The following CNTNAP5 variants were observed in gnomAD, a reference collection of about 807,000 sequenced individuals.
The protein encoded by CNTNAP5 is contactin associated protein family member 5, also known as contactin-associated protein-like 5.
Under a neutral mutation model 150.2 loss-of-function variants are expected in CNTNAP5, and 72 were observed. The ratio of observed to expected loss-of-function variants is 0.48; its 90% CI spans 0.40 to 0.58. The LOEUF is 0.58. Ranked by LOEUF, CNTNAP5 falls within the 20% of genes least tolerant of loss-of-function variation. The pLI, the probability that CNTNAP5 is intolerant of heterozygous loss-of-function variation, is 0.00. For synonymous variants in CNTNAP5, 672 were observed against 619.8 expected (o/e 1.08, Z -1.25); for missense variants, 1,636 against 1,626.2 (o/e 1.01, Z -0.10).
chr2:124,403,001 A>G (rs1691469302), intron 3 of CNTNAP5, among the ~76,000 whole-genome samples: 1 of 152,170 alleles, frequency 6.6e-6, no homozygotes, highest in African/African-American at 2.4e-5. Flanking sequence ...TTTTAGCTTT[A>G]AGTCTGTGGT....
chr2:124,656,866 A>G (rs1374785002), intron 13 of CNTNAP5, among the ~76,000 whole-genome samples: 2 of 152,248 alleles, frequency 1.3e-5, no homozygotes, highest in African/African-American at 2.4e-5. Context: ...GATACGGTAC[A>G]GTGGCAGCAC....
chr2:124,713,283 T>TCTTTC (rs1679859046), intron 13 of CNTNAP5, among the ~76,000 whole-genome samples: 2 of 128,950 alleles, frequency 1.6e-5, no homozygotes, highest in Non-Finnish European at 3.4e-5. Context: ...CTTTCTTTCT[T>TCTTTC]TCTTTCTTTC....
At chr2:124,455,837 A>G (rs985203054) in intron 6 of CNTNAP5, among the ~76,000 whole-genome samples, 3 of 152,198 alleles carry the variant, frequency 2.0e-5, no homozygotes, top group Non-Finnish European at 4.4e-5. Flanking sequence ...CAAAAGATGC[A>G]GAAAAGGCAT....
chr2:124,518,236 T>A (rs1694775117), intron 8 of CNTNAP5, among the ~76,000 whole-genome samples: 1 of 152,136 alleles, frequency 6.6e-6, no homozygotes, highest in Admixed American at 6.5e-5. Context: ...GCTGTGGAGA[T>A]CTCATTATCA....
chr2:124,042,783 C>CATCTATCTATTT (rs1553431955), intron 1 of CNTNAP5, among the ~76,000 whole-genome samples: 1 of 148,112 alleles, frequency 6.8e-6, no homozygotes, highest in Non-Finnish European at 1.5e-5. Flanking sequence ...AACTCTCTAT[C>CATCTATCTATTT]ATCTATCTAT....
chr2:124,042,333 C>T (rs1329884365), intron 1 of CNTNAP5, among the ~76,000 whole-genome samples: 2 of 152,138 alleles, frequency 1.3e-5, no homozygotes, highest in African/African-American at 4.8e-5. Flanking sequence ...GATACCCTCC[C>T]CAACTATTTT....
intron 11 of CNTNAP5, among the ~76,000 whole-genome samples, chr2:124,593,899 T>A (rs1696760792): frequency 1.3e-5 from 1 of 79,766 alleles, no homozygotes; most frequent in African/African-American, 4.5e-5. Flanking sequence ...ATGATGAGCA[T>A]TTTTTCATGT....
intron 1 of CNTNAP5, among the ~76,000 whole-genome samples, chr2:124,106,007 A>G (rs1202964053): frequency 6.6e-6 from 1 of 152,106 alleles, no homozygotes; most frequent in African/African-American, 2.4e-5. Context: ...TATTCATTTA[A>G]TCTTTCATGA....
At chr2:124,702,524 G>A (rs767860852) in intron 13 of CNTNAP5, among the ~76,000 whole-genome samples, 2 of 151,356 alleles carry the variant, frequency 1.3e-5, no homozygotes, top group Non-Finnish European at 2.9e-5. Context: ...GTGAGTGAGA[G>A]GTTATCTTCT....
intron 3 of CNTNAP5, among the ~76,000 whole-genome samples, chr2:124,267,512 A>G (rs539914070): frequency 6.6e-6 from 1 of 152,218 alleles, no homozygotes; most frequent in African/African-American, 2.4e-5. Context: ...TTAATTGTGA[A>G]GTGTAAATAT....
At chr2:124,217,178 G>A (rs2104734123) in intron 1 of CNTNAP5, among the ~76,000 whole-genome samples, 1 of 152,258 alleles carries the variant, frequency 6.6e-6, no homozygotes, top group East Asian at 1.9e-4. Context: ...CCCAAGTTGT[G>A]TGTCCCATTG....
chr2:124,853,949 G>T (rs1400901403), intron 19 of CNTNAP5, among the ~76,000 whole-genome samples: 2 of 152,200 alleles, frequency 1.3e-5, no homozygotes, highest in Admixed American at 6.5e-5. Context: ...AGGGATAATG[G>T]CTTCCAGCTC....
At chr2:124,072,662 A>G (rs897933944) in intron 1 of CNTNAP5, among the ~76,000 whole-genome samples, 2 of 151,882 alleles carry the variant, frequency 1.3e-5, no homozygotes, top group African/African-American at 4.8e-5. Context: ...AATCAACCAG[A>G]AAATGAAAAA....
rs904302917 is a variant in CNTNAP5, at chr2:124,918,831, G to A, written c.*4543G>A. Among the ~76,000 whole-genome samples, 5 of 152,134 alleles carry A rather than the reference G, an allele frequency of 3.3e-5. No individual in the cohort carries two copies. In the South Asian group the frequency reaches 1.0e-3, roughly 31 times the overall value. ...CTTCATTGTTTCTGAAGATGGCAAAGGCGATTAATGGAAGAAGATGCAGAC... is the reference window on the plus strand; with the variant it reads ...CTTCATTGTTTCTGAAGATGGCAAAAGCGATTAATGGAAGAAGATGCAGAC... On this transcript the variant is annotated 3_prime_UTR_variant, in exon 24 of 24. Coordinates refer to ENST00000682447, the MANE Select transcript of CNTNAP5 (RefSeq NM_001367498.1).
chr2:124,362,570 T>C (rs1218916289), intron 3 of CNTNAP5, among the ~76,000 whole-genome samples: 1 of 152,236 alleles, frequency 6.6e-6, no homozygotes, highest in Admixed American at 6.5e-5. Flanking sequence ...TTTCAGCTTC[T>C]CTATCATGGA....
chr2:124,049,025 G>A (rs1681619450), intron 1 of CNTNAP5, among the ~76,000 whole-genome samples: 2 of 152,282 alleles, frequency 1.3e-5, no homozygotes, highest in Middle Eastern at 3.4e-3. Context: ...CTAAAACTGG[G>A]ATAGTATAGT....
At chr2:124,793,046 T>C (rs1397729541) in intron 18 of CNTNAP5, among the ~76,000 whole-genome samples, 1 of 152,248 alleles carries the variant, frequency 6.6e-6, no homozygotes. Context: ...CTTGGATATA[T>C]ACCTAGAAGT....
At chr2:124,738,089 G>T (rs1258108545) in intron 13 of CNTNAP5, among the ~76,000 whole-genome samples, 1 of 152,058 alleles carries the variant, frequency 6.6e-6, no homozygotes, top group Non-Finnish European at 1.5e-5. Context: ...TTCCAACTCT[G>T]CTTTTCATTC....
chr2:124,280,237 A>G (rs925519182), intron 3 of CNTNAP5, among the ~76,000 whole-genome samples: 4 of 151,832 alleles, frequency 2.6e-5, no homozygotes, highest in Admixed American at 2.6e-4. Context: ...GCACGATCTC[A>G]GCTCACTGAA....
Sources: allele counts gnomAD v4.1 joint callset (sites outside exome capture counted in the v4.1 genomes callset), GRCh38; gene constraint gnomAD v4.1.1; transcripts MANE v1.5; gene names NCBI Gene and HGNC (gene_info 2026-07-23, HGNC 2026-07-21).